The following FNDC3B variants were observed in gnomAD, a reference collection of about 807,000 sequenced individuals.
FNDC3B encodes the protein fibronectin type III domain-containing protein 3B.
In FNDC3B, 12 loss-of-function variants were observed where a neutral mutation model predicts 151.5. The observed-to-expected ratio is 0.08, with a 90% CI of 0.05 to 0.13. The LOEUF (loss-of-function observed/expected upper bound fraction) is 0.13, where lower values mean the gene tolerates loss of function less well. Among genes scored for constraint, FNDC3B ranks in the 10% least tolerant of loss-of-function variants. The pLI, the probability that FNDC3B is intolerant of heterozygous loss-of-function variation, is 1.00. For missense variants in FNDC3B, 1,214 were observed against 1,505.3 expected, an observed-to-expected ratio of 0.81 and a Z score of 3.20; for synonymous variants, 528 against 549.0, an observed-to-expected ratio of 0.96 and a Z score of 0.54.
intron 4 of FNDC3B, among the ~76,000 whole-genome samples, chr3:172,239,064 T>TTA (rs1283456735): frequency 1.3e-5 from 2 of 152,298 alleles, no homozygotes; most frequent in Non-Finnish European, 2.9e-5. Flanking sequence ...TTTTTTTTTT[T>TTA]TTATTTTGGC....
At position 172,133,522 on chromosome 3, in the gene FNDC3B, G is replaced by A; in HGVS notation, c.163G>A (p.Asp55Asn). 1 of 1,612,876 alleles carries A rather than the reference G, an allele frequency of 6.2e-7. No individual in the cohort carries two copies. The highest frequency in any genetic ancestry group is 8.5e-7 in the Non-Finnish European group (1 of 1,178,998). ...PGETFTIRAE[D>N]GTLQCIQGPA... is the part of the protein sequence containing the mutation. ...TGAGACTTTCACAATAAGAGCAGAG[G>A]ATGGAACACTTCAGTGCATTCAAGG... The change falls in exon 3 of 26, where the codon GAT (aspartate) becomes AAT (asparagine). Residue 55 changes from aspartate (D) to asparagine (N), a missense_variant. Transcript: ENST00000415807.
intron 6 of FNDC3B, among the ~76,000 whole-genome samples, chr3:172,274,575 T>C (rs2108808196): frequency 6.6e-6 from 1 of 152,334 alleles, no homozygotes; most frequent in East Asian, 1.9e-4. Context: ...ATATCTAATA[T>C]GTATTTGCAT....
intron 6 of FNDC3B, among the ~76,000 whole-genome samples, chr3:172,258,068 A>G (rs1728454275): frequency 6.6e-6 from 1 of 152,202 alleles, no homozygotes; most frequent in Admixed American, 6.5e-5. Context: ...TTGTGTGACT[A>G]ACATATAGGT....
intron 1 of FNDC3B, among the ~76,000 whole-genome samples, chr3:172,041,619 A>C (rs1216018994): frequency 7.8e-6 from 1 of 128,620 alleles, no homozygotes; most frequent in Non-Finnish European, 1.8e-5. Flanking sequence ...CTGGAATAAC[A>C]CTTTTTTTTT....
intron 21 of FNDC3B, among the ~76,000 whole-genome samples, chr3:172,349,665 C>CT (rs561316990): frequency 6.9e-4 from 104 of 150,882 alleles, no homozygotes; most frequent in Non-Finnish European, 1.3e-3. Flanking sequence ...TCTTTTTTTT[C>CT]TTTTTTTTGA....
At chr3:172,231,435 T>C (rs1342115355) in intron 4 of FNDC3B, among the ~76,000 whole-genome samples, 1 of 152,158 alleles carries the variant, frequency 6.6e-6, no homozygotes, top group African/African-American at 2.4e-5. Context: ...TTTTATGTTA[T>C]ATAAACTAAA....
chr3:172,073,059 C>G (rs922518330), intron 1 of FNDC3B, among the ~76,000 whole-genome samples: 1 of 152,144 alleles, frequency 6.6e-6, no homozygotes, highest in African/African-American at 2.4e-5. Context: ...ACCATAGCCA[C>G]CCTGCAGACA....
At chr3:172,169,215 A>G (rs940433048) in intron 3 of FNDC3B, among the ~76,000 whole-genome samples, 1 of 152,090 alleles carries the variant, frequency 6.6e-6, no homozygotes, top group East Asian at 1.9e-4. Context: ...CCCTTGGAGG[A>G]TGTGGAATGC....
At chr3:172,179,446 A>G (rs1034614729) in intron 3 of FNDC3B, among the ~76,000 whole-genome samples, 4 of 152,168 alleles carry the variant, frequency 2.6e-5, no homozygotes, top group Admixed American at 2.0e-4. Context: ...AAAGCAAAAC[A>G]TTAATTTTGT....
intron 23 of FNDC3B, among the ~76,000 whole-genome samples, chr3:172,376,863 AAAG>A (rs1296477367): frequency 2.3e-4 from 19 of 83,898 alleles, no homozygotes; most frequent in Non-Finnish European, 3.8e-4. Flanking sequence ...AAAAAAAAAA[AAAG>A]AAAGAAAAGA....
At chr3:172,133,107 C>G (rs1721188346) in intron 2 of FNDC3B, among the ~76,000 whole-genome samples, 1 of 152,158 alleles carries the variant, frequency 6.6e-6, no homozygotes, top group Admixed American at 6.5e-5. Flanking sequence ...AGGTCAAAAC[C>G]TCATTGCTAG....
intron 6 of FNDC3B, among the ~76,000 whole-genome samples, chr3:172,268,450 A>G (rs547300816): frequency 6.6e-6 from 1 of 152,204 alleles, no homozygotes; most frequent in Non-Finnish European, 1.5e-5. Flanking sequence ...TGGGGGAAAA[A>G]GTGTTTTGGC....
At chr3:172,282,945 G>A (rs1001036049) in intron 6 of FNDC3B, among the ~76,000 whole-genome samples, 14 of 152,242 alleles carry the variant, frequency 9.2e-5, no homozygotes, top group Non-Finnish European at 1.6e-4. Context: ...GCCCAGCACC[G>A]GAGGTGAGAA....
At chr3:172,145,155 C>T (rs1028467944) in intron 3 of FNDC3B, among the ~76,000 whole-genome samples, 3 of 152,018 alleles carry the variant, frequency 2.0e-5, no homozygotes, top group Admixed American at 2.0e-4. Flanking sequence ...GTTTTAAACA[C>T]CTGTTTTGTT....
At chr3:172,168,755 C>G (rs1348373063) in intron 3 of FNDC3B, among the ~76,000 whole-genome samples, 4 of 148,336 alleles carry the variant, frequency 2.7e-5, no homozygotes, top group Non-Finnish European at 4.4e-5. Flanking sequence ...CTCTGCCACT[C>G]AGGCTGGAGT....
At chr3:172,210,646 G>A (rs1014955644) in intron 3 of FNDC3B, among the ~76,000 whole-genome samples, 1 of 152,086 alleles carries the variant, frequency 6.6e-6, no homozygotes, top group Non-Finnish European at 1.5e-5. Flanking sequence ...GTGAGTCACC[G>A]TGCCTGGCAA....
chr3:172,088,642 C>T (rs1353572831), intron 1 of FNDC3B, among the ~76,000 whole-genome samples: 1 of 152,080 alleles, frequency 6.6e-6, no homozygotes, highest in Non-Finnish European at 1.5e-5. Context: ...ATTTCAATGA[C>T]AATACTTATC....
chr3:172,397,009 T>C (rs1344233236), intron 25 of FNDC3B, among the ~76,000 whole-genome samples, 155 bp from the exon 26 acceptor site: 1 of 152,236 alleles, frequency 6.6e-6, no homozygotes, highest in Non-Finnish European at 1.5e-5. Context: ...ATGGTTGGAA[T>C]ACAGATTGAG....
rs749330093 is a variant in FNDC3B at position 172,341,151 on chromosome 3, G to A, written c.1891G>A (p.Glu631Lys). 68 of 1,614,024 alleles carry A rather than the reference G, an allele frequency of 4.2e-5. No individual in the cohort carries two copies. Among genetic ancestry groups the A allele is most frequent in the Middle Eastern group, 3.3e-4 (2 of 6,084 alleles). Residue 631 changes from glutamate to lysine, a missense_variant, in exon 17 of 26, where the codon GAA (glutamate) becomes AAA (lysine). Physicochemically the swap from Glu to Lys is moderately conservative, Grantham distance 56. Transcript: ENST00000415807. ...AGTGGCCTACAGTGGGTCGGCTACC[G>A]AATACACCTTCACCCACTTGAAACC... ...WEVAYSGSAT[E>K]YTFTHLKPGT...
Sources: gnomAD v4.1 joint callset for allele counts (sites outside exome capture counted in the v4.1 genomes callset) on GRCh38, gnomAD v4.1.1 for gene constraint, MANE v1.5 for transcripts, NCBI Gene and HGNC (gene_info 2026-07-23, HGNC 2026-07-21) for gene names.